Variants in KRABD2 observed in about 807,000 individuals in gnomAD.
KRABD2 encodes KRAB domain-containing protein 2.
At chr17:8,372,590 C>G in the KRABD2 span, among the ~76,000 whole-genome samples, 2 of 152,182 alleles carry the variant, frequency 1.3e-5, no homozygotes, top group South Asian at 2.1e-4. This position sits in a 1 kb window ranked among gnomAD's most constrained non-coding sequence, Gnocchi z 4.1. Flanking sequence ...GCACACCCAG[C>G]CGGTCCTACT....
chr17:8,372,443 G>A, the KRABD2 span, among the ~76,000 whole-genome samples: 2 of 152,088 alleles, frequency 1.3e-5, no homozygotes, highest in Non-Finnish European at 2.9e-5. The surrounding 1 kb of genome is among the most constrained non-coding windows in gnomAD (Gnocchi z 4.1). Flanking sequence ...TCGAACTCCT[G>A]GGCTCTAGTG....
chr17:8,374,946 A>AAAAAAAAAAC, the KRABD2 span, among the ~76,000 whole-genome samples: 1 of 144,798 alleles, frequency 6.9e-6, no homozygotes, highest in East Asian at 2.0e-4. Context: ...ACAAAAAAAA[A>AAAAAAAAAAC]AAAAAAAAAA....
At chr17:8,373,555 C>A in the KRABD2 span, 1 of 189,964 alleles carries the variant, frequency 5.3e-6, no homozygotes, top group Non-Finnish European at 1.1e-5. Context: ...CTGCCTTGGC[C>A]TCCCAAAGTG....
At chr17:8,359,363 T>C in the KRABD2 span, 1 of 349,440 alleles carries the variant, frequency 2.9e-6, no homozygotes. Context: ...GTAGGCAGGA[T>C]GGAGAATGTT....
chr17:8,363,825 T>TATATATCATA, the KRABD2 span, among the ~76,000 whole-genome samples: 187 of 74,030 alleles, frequency 2.5e-3, 2 homozygotes, highest in African/African-American at 9.2e-3. Flanking sequence ...CATATATATA[T>TATATATCATA]CATACATATA....
At chr17:8,364,902 C>T in the KRABD2 span, among the ~76,000 whole-genome samples, 277 of 151,950 alleles carry the variant, frequency 1.8e-3, no homozygotes, top group African/African-American at 6.3e-3. The surrounding 1 kb of genome is among the most constrained non-coding windows in gnomAD (Gnocchi z 4.4). Context: ...GGCGTGGTGG[C>T]GGGCACCTGT....
the KRABD2 span, among the ~76,000 whole-genome samples, chr17:8,367,494 G>A: frequency 6.8e-6 from 1 of 146,430 alleles, no homozygotes; most frequent in Non-Finnish European, 1.5e-5. Flanking sequence ...GTGAGATTCT[G>A]TCTCCAAAAA....
At chr17:8,370,056 T>C in the KRABD2 span, 2 of 1,614,126 alleles carry the variant, frequency 1.2e-6, no homozygotes, top group Non-Finnish European at 1.7e-6. Context: ...ATGTACATAA[T>C]ACCGTATTCG....
At chr17:8,374,693 C>A in the KRABD2 span, among the ~76,000 whole-genome samples, 2 of 148,528 alleles carry the variant, frequency 1.3e-5, no homozygotes, top group Admixed American at 6.7e-5. Flanking sequence ...ACACCTGTAA[C>A]CCCAGCACTT....
chr17:8,360,947 T>C, the KRABD2 span, among the ~76,000 whole-genome samples: 4 of 152,146 alleles, frequency 2.6e-5, no homozygotes, highest in African/African-American at 4.8e-5. Flanking sequence ...GAAGCAAGAA[T>C]GTAAGTCTGA....
the KRABD2 span, chr17:8,371,449 G>A: frequency 6.2e-7 from 1 of 1,614,154 alleles, no homozygotes; most frequent in South Asian, 1.1e-5. Context: ...CTGCCACAGG[G>A]ACCATATAGT....
At chr17:8,370,407 A>G in the KRABD2 span, 38 of 1,482,916 alleles carry the variant, frequency 2.6e-5, no homozygotes, top group Non-Finnish European at 3.4e-5. Context: ...AAGAAAAGAG[A>G]ACAAAGTTAA....
chr17:8,360,752 TA>T, the KRABD2 span, among the ~76,000 whole-genome samples: 22 of 151,658 alleles, frequency 1.5e-4, no homozygotes, highest in African/African-American at 5.1e-4. Context: ...AATCACAAAC[TA>T]AAAAAAACAA....
chr17:8,375,704 T>TC, the KRABD2 span: 448 of 191,342 alleles, frequency 2.3e-3, no homozygotes, highest in Non-Finnish European at 3.5e-3. Context: ...TTTCTTTCTT[T>TC]TTTTTTTTTT....
the KRABD2 span, chr17:8,370,375 G>C: frequency 1.0e-5 from 16 of 1,558,070 alleles, no homozygotes; most frequent in Non-Finnish European, 1.4e-5. Context: ...ATGGAGAGCT[G>C]TAAGAAGGAT....
chr17:8,362,568 C>G, the KRABD2 span, among the ~76,000 whole-genome samples: 1 of 152,202 alleles, frequency 6.6e-6, no homozygotes, highest in African/African-American at 2.4e-5. This position sits in a 1 kb window ranked among gnomAD's most constrained non-coding sequence, Gnocchi z 4.2. Context: ...CAAACCACCT[C>G]TAAACTCGGT....
chr17:8,371,372 C>G, the KRABD2 span: 10 of 1,613,988 alleles, frequency 6.2e-6, no homozygotes, highest in Non-Finnish European at 7.6e-6. Flanking sequence ...TTTTGAGAGC[C>G]TTCTAAATAA....
chr17:8,364,511 C>A, the KRABD2 span, among the ~76,000 whole-genome samples: 1 of 152,190 alleles, frequency 6.6e-6, no homozygotes, highest in Admixed American at 6.5e-5. The surrounding 1 kb of genome is among the most constrained non-coding windows in gnomAD (Gnocchi z 4.4). Flanking sequence ...TGGCACCATG[C>A]CCCGCAGTGG....
the KRABD2 span, chr17:8,371,437 T>G: frequency 1.6e-4 from 261 of 1,614,222 alleles, no homozygotes; most frequent in Non-Finnish European, 2.1e-4. Flanking sequence ...CAACATTGGC[T>G]GCTGCCACAG....
Sources: gnomAD v4.1 joint callset for allele counts (sites outside exome capture counted in the v4.1 genomes callset) on GRCh38, gnomAD v4.1.1 for gene constraint, Gnocchi (gnomAD v3.1) non-coding constraint, MANE v1.5 for transcripts, NCBI Gene and HGNC (gene_info 2026-07-23, HGNC 2026-07-21) for gene names.